BRAP: variants seen among roughly 807,000 people sequenced by gnomAD.
BRAP encodes BRCA1 associated protein.
A neutral mutation model predicts 73.4 loss-of-function variants in BRAP; 42 were observed. The ratio of observed to expected loss-of-function variants is 0.57; its 90% confidence interval spans 0.45 to 0.74. The LOEUF (loss-of-function observed/expected upper bound fraction) is 0.74. Among genes scored for constraint, BRAP ranks in the 30% least tolerant of loss-of-function variants. The probability of loss-of-function intolerance (pLI) is 0.00; values close to 1 mark genes in which losing one functional copy is unlikely to be tolerated. For missense variants in BRAP, 593 were observed against 751.4 expected, an observed-to-expected ratio of 0.79 and a Z score of 2.46; for synonymous variants, 255 against 267.4, an observed-to-expected ratio of 0.95 and a Z score of 0.45.
intron 11 of BRAP, among the ~76,000 whole-genome samples, chr12:111,646,999 C>T (rs931675154): frequency 6.6e-6 from 1 of 152,058 alleles, no homozygotes; most frequent in Non-Finnish European, 1.5e-5. Flanking sequence ...AGGGCTCATG[C>T]CTATAATCCT....
chr12:111,659,366 T>A (rs1204296579), intron 7 of BRAP, 21 bp from the exon 8 acceptor site: 14 of 1,599,568 alleles, frequency 8.8e-6, no homozygotes, highest in Admixed American at 5.1e-5. Flanking sequence ...AGGTAAGATC[T>A]TAATTAGTTA....
At chr12:111,681,127 T>G (rs1887583979) in intron 3 of BRAP, among the ~76,000 whole-genome samples, 1 of 152,142 alleles carries the variant, frequency 6.6e-6, no homozygotes, top group African/African-American at 2.4e-5. Context: ...CCCAGCACTT[T>G]GGGAGGCTGA....
At chr12:111,680,362 T>G (rs1282623469) in intron 3 of BRAP, among the ~76,000 whole-genome samples, 1 of 152,118 alleles carries the variant, frequency 6.6e-6, no homozygotes, top group Non-Finnish European at 1.5e-5. Context: ...TGCAATTTGT[T>G]TTTTGAAATG....
At chr12:111,646,727 C>T (rs765401105) in intron 11 of BRAP, among the ~76,000 whole-genome samples, 2 of 151,474 alleles carry the variant, frequency 1.3e-5, no homozygotes, top group Admixed American at 6.6e-5. Flanking sequence ...GAGTCGAGAT[C>T]GTGCCACTGC....
intron 1 of BRAP, 163 bp downstream of exon 1, chr12:111,685,548 C>A: frequency 7.5e-7 from 1 of 1,342,180 alleles, no homozygotes. Context: ...AACGGGAAGG[C>A]CTCTCAAAGG....
chr12:111,685,610 C>T lies in BRAP; in HGVS notation c.82+101G>A. ...TACCTCTCCGTGTCTTCCTGGGCAA[C>T]AGCCCTCGCCGCGGGCTTTTCCCGG... On this transcript the variant is annotated intron_variant, in intron 1 of 11. Coordinates refer to ENST00000419234, the MANE Select transcript of BRAP (RefSeq NM_006768.5). 9.2e-6 allele frequency: 13 copies of T among 1,416,636 alleles called. No individual in the cohort carries two copies. The South Asian group carries it at 1.9e-4, about 20-fold the overall frequency. The allele number at this position is 1,416,636 out of a possible 1,614,324, so 87.8% of individuals were successfully genotyped here.
At position 111,642,348 on chromosome 12, in the gene BRAP, T is replaced by C. The variant is rs563149796; in HGVS notation, c.*1851A>G. The C allele has an allele frequency of 2.0e-5, 3 of 152,212 alleles. No individual in the cohort carries two copies. Among genetic ancestry groups the C allele is most frequent in the African/African-American group, 7.2e-5 (3 of 41,526 alleles). 9.4% of individuals were successfully genotyped at this position (152,212 alleles called of 1,614,324 possible). ...AGATTTTTTTTTTTTCTGGGACATA[T>C]TTTTTGTAAACCTCCAAGTAGTTTG... On this transcript the variant is annotated 3_prime_UTR_variant, in exon 12 of 12. Coordinates refer to ENST00000419234, the MANE Select transcript of BRAP (RefSeq NM_006768.5).
chr12:111,677,427 G>A (rs1188062398), intron 4 of BRAP, among the ~76,000 whole-genome samples: 2 of 152,158 alleles, frequency 1.3e-5, no homozygotes, highest in African/African-American at 4.8e-5. Context: ...TTAAAAGTGA[G>A]GGTGCCACAC....
rs76169436 is a variant in BRAP, at chr12:111,647,030, C to A, written c.1416-2468G>T. Among the ~76,000 whole-genome samples the A allele has an allele frequency of 7.1e-3, 1,084 of 152,198 alleles. 12 individuals are homozygous for A. Among genetic ancestry groups the A allele is most frequent in the African/African-American group, 0.025 (1,046 of 41,514 alleles). ...ATCCTAGCATTTTTGGAGGCCAAGA[C>A]AGGATCAAGGAGGAGGATCACTTGA... On this transcript the variant is annotated intron_variant, in intron 11 of 11. Transcript: ENST00000419234.
intron 1 of BRAP, among the ~76,000 whole-genome samples, chr12:111,684,190 A>T (rs1417655191): frequency 6.6e-6 from 1 of 152,154 alleles, no homozygotes; most frequent in Non-Finnish European, 1.5e-5. Flanking sequence ...TTTGCCCACC[A>T]CTGTATTCCC....
In BRAP at chr12:111,683,230, C is replaced by T; in HGVS notation, c.160G>A (p.Gly54Arg). 1 of 1,614,174 alleles carries T rather than the reference C, an allele frequency of 6.2e-7. No homozygotes were observed. Among genetic ancestry groups the T allele is most frequent in the Non-Finnish European group, 8.5e-7 (1 of 1,180,032 alleles). The change falls in exon 2 of 12, where the codon GGA becomes AGA. Residue 54 changes from glycine to arginine, a missense_variant. By Grantham distance (125) the Gly-to-Arg change is moderately radical. This residue lies in a region of BRAP where 304 missense variants were observed against 337.7 expected (regional missense o/e 0.90). Coordinates refer to ENST00000419234, the MANE Select transcript of BRAP (RefSeq NM_006768.5). ...AVACLEGKSP[G>R]EKVAIIHQHL... The stretch of plus-strand genomic sequence containing the variant: ...TGATGGATAATCGCTACTTTCTCTC[C>T]TGGTGACTTGCCTTCTAAACAGGCT...
intron 2 of BRAP, among the ~76,000 whole-genome samples, chr12:111,682,863 C>T (rs1422682964): frequency 8.6e-5 from 13 of 151,970 alleles, no homozygotes; most frequent in Non-Finnish European, 1.8e-4. Context: ...AATGACCCGA[C>T]ATTGCACCAC....
intron 5 of BRAP, among the ~76,000 whole-genome samples, chr12:111,666,849 T>C (rs145582231): frequency 1.3e-5 from 2 of 152,308 alleles, no homozygotes; most frequent in East Asian, 1.9e-4. Flanking sequence ...GCCACGTTCA[T>C]TTAAGAAAGG....
chr12:111,651,927 CG>C (rs1566111650), intron 10 of BRAP, among the ~76,000 whole-genome samples: 1 of 152,004 alleles, frequency 6.6e-6, no homozygotes, highest in East Asian at 1.9e-4. Flanking sequence ...TAAGCCACCA[CG>C]CCTGGCTGGA....
chr12:111,664,315 G>A (rs981183300), intron 6 of BRAP, among the ~76,000 whole-genome samples: 1 of 152,158 alleles, frequency 6.6e-6, no homozygotes, highest in African/African-American at 2.4e-5. Flanking sequence ...ACGGGTGACA[G>A]AGCAAGACCC....
chr12:111,683,146 C>CTGG lies in BRAP; in HGVS notation c.241_243dup (p.Pro81dup), dbSNP rs770095326. On this transcript the variant is annotated inframe_insertion and splice_region_variant, in exon 2 of 12. Coordinates refer to ENST00000419234, the MANE Select transcript of BRAP (RefSeq NM_006768.5). ...GAGTCCAGGGTTTTAGAAAGCATAC[C>CTGG]TGGGTTGGACTTCATGGTCTCAATG... 6.8e-6 allele frequency: 11 copies of CTGG among 1,612,206 alleles called. No individual in the cohort carries two copies. In the East Asian group the frequency reaches 2.5e-4, roughly 36 times the overall value.
chr12:111,663,904 G>A (rs1886843256), intron 6 of BRAP, among the ~76,000 whole-genome samples: 1 of 152,176 alleles, frequency 6.6e-6, no homozygotes, highest in Non-Finnish European at 1.5e-5. Context: ...GACACTTTGA[G>A]CTTGCAAATT....
chr12:111,676,774 G>T (rs761165813), intron 4 of BRAP, among the ~76,000 whole-genome samples: 2 of 152,130 alleles, frequency 1.3e-5, no homozygotes, highest in Non-Finnish European at 2.9e-5. Flanking sequence ...TTGGCACAGG[G>T]TCCGGTCTCT....
intron 11 of BRAP, among the ~76,000 whole-genome samples, chr12:111,648,296 G>A (rs1471889601): frequency 3.4e-5 from 5 of 146,518 alleles, no homozygotes; most frequent in Admixed American, 2.1e-4. Context: ...ACTCCAGCCT[G>A]GCGACAGAGC....
Sources: allele counts gnomAD v4.1 joint callset (sites outside exome capture counted in the v4.1 genomes callset), GRCh38; gene constraint gnomAD v4.1.1; regional missense constraint gnomAD v4.1.1; transcripts MANE v1.5; gene names NCBI Gene and HGNC (gene_info 2026-07-23, HGNC 2026-07-21).